CBX5: variants seen among roughly 807,000 people sequenced by gnomAD.
CBX5 encodes the protein chromobox protein homolog 5.
In CBX5, 7 loss-of-function variants were observed where a neutral mutation model predicts 20.7. That is an observed-to-expected ratio of 0.34 (90% CI 0.19 to 0.63). The LOEUF is 0.63. Ranked by LOEUF, CBX5 falls within the 30% of genes least tolerant of loss-of-function variation. The pLI, the probability that CBX5 is intolerant of heterozygous loss-of-function variation, is 0.75. For synonymous variants in CBX5, 78 were observed against 77.0 expected, an observed-to-expected ratio of 1.01 and a Z score of -0.07; for missense variants, 110 against 224.1, an observed-to-expected ratio of 0.49 and a Z score of 3.25.
intron 1 of CBX5, among the ~76,000 whole-genome samples, chr12:54,277,419 G>A (rs886137454): frequency 2.0e-5 from 3 of 152,140 alleles, no homozygotes; most frequent in Non-Finnish European, 2.9e-5. Flanking sequence ...TGGCCAGGCC[G>A]GTCTCAAACT....
rs1351955868 is a variant in CBX5, at chr12:54,234,851, A to C, written c.*6904T>G. On this transcript the variant is annotated 3_prime_UTR_variant, in exon 5 of 5. Transcript: ENST00000209875. ...GAGCAATATGAGATGATGTTAGATG[A>C]AATGAGGATCAGAATGAAAAGGCAA... The C allele has an allele frequency of 6.6e-6, 1 of 152,248 alleles. No individual in the cohort carries two copies. The highest frequency in any genetic ancestry group is 2.4e-5 in the African/African-American group (1 of 41,468). 9.4% of individuals were successfully genotyped at this position (152,248 alleles called of 1,614,324 possible). A position where few individuals can be genotyped will look rare whatever the true frequency, so the allele number is the denominator to read the frequency against.
intron 1 of CBX5, among the ~76,000 whole-genome samples, chr12:54,278,081 G>A (rs1298425720): frequency 1.3e-5 from 2 of 152,106 alleles, no homozygotes; most frequent in African/African-American, 4.8e-5. Flanking sequence ...TACCTCCCCG[G>A]ACATTTGGCA....
At chr12:54,277,887 G>A (rs1025522237) in intron 1 of CBX5, among the ~76,000 whole-genome samples, 1 of 152,112 alleles carries the variant, frequency 6.6e-6, no homozygotes, top group Non-Finnish European at 1.5e-5. Flanking sequence ...CCAGACTGGA[G>A]TGCAGTGGCT....
chr12:54,275,114 T>C (rs1944048824), intron 1 of CBX5, among the ~76,000 whole-genome samples: 1 of 152,208 alleles, frequency 6.6e-6, no homozygotes, highest in South Asian at 2.1e-4. Flanking sequence ...TCACTCTTTC[T>C]TTCCCCAACT....
Position 54,246,145 on chromosome 12 carries a change from G to C in CBX5, c.395C>G (p.Ser132Cys). The C allele has an allele frequency of 6.2e-7, 1 of 1,613,240 alleles. No individual in the cohort carries two copies. Among genetic ancestry groups the C allele is most frequent in the South Asian group, 1.1e-5 (1 of 91,052 alleles). ...EPEKIIGATD[S>C]CGDLMFLMKW... ...CATTAGGAACATTAAATCACCACAG[G>C]AATCTGTTGCCCCAATGATCTTTTC... The change falls in exon 4 of 5, where the codon TCC becomes TGC. Residue 132 changes from serine to cysteine, a missense_variant. Physicochemically the swap from Ser to Cys is moderately radical, Grantham distance 112 (BLOSUM62 -1). This residue lies in a region of CBX5 where 31 missense variants were observed against 84.9 expected (regional missense o/e 0.37). Transcript: ENST00000209875.
chr12:54,251,941 A>C (rs1045686905), intron 3 of CBX5, 100 bp downstream of exon 3: 117 of 1,050,324 alleles, frequency 1.1e-4, no homozygotes, highest in Non-Finnish European at 1.3e-4. Flanking sequence ...TTATAGGTCC[A>C]TCCTTACAAT....
At chr12:54,251,411 C>T (rs867701451) in intron 3 of CBX5, among the ~76,000 whole-genome samples, 1 of 149,518 alleles carries the variant, frequency 6.7e-6, no homozygotes, top group Non-Finnish European at 1.5e-5. Flanking sequence ...CCCAGCTACT[C>T]GGGAGGCTGA....
Position 54,257,605 on chromosome 12 carries a change from C to T in CBX5, c.46G>A (p.Asp16Asn), listed in dbSNP as rs1350042442. Residue 16 changes from aspartate to asparagine, a missense_variant, in exon 2 of 5, where the codon GAT (aspartate) becomes AAT (asparagine). By Grantham distance (23) the Asp-to-Asn change is conservative. Around this residue, in one of 3 missense-constraint regions of CBX5, gnomAD observed 58 missense variants for 120.6 expected, o/e 0.48. Coordinates refer to ENST00000209875, the MANE Select transcript of CBX5 (RefSeq NM_012117.3). ...TTCTCCACAACATACTCCTCCTCATCCTCTGAAGAAGAACTGTCAGCTGTC... is the reference window on the plus strand; with the variant it reads ...TTCTCCACAACATACTCCTCCTCATTCTCTGAAGAAGAACTGTCAGCTGTC... ...KRTADSSSSE[D>N]EEEYVVEKVL... 2 of 1,614,242 alleles carry T rather than the reference C, an allele frequency of 1.2e-6. No individual in the cohort carries two copies. The highest frequency in any genetic ancestry group is 1.7e-6 in the Non-Finnish European group (2 of 1,180,036).
chr12:54,256,184 C>G (rs1454506157), intron 2 of CBX5, among the ~76,000 whole-genome samples: 1 of 152,140 alleles, frequency 6.6e-6, no homozygotes, highest in Non-Finnish European at 1.5e-5. Context: ...GAAATGGGCC[C>G]AATAAACATC....
At chr12:54,241,937 G>A (rs771691820) in intron 4 of CBX5, 32 bp from the exon 5 acceptor site, 2 of 1,599,080 alleles carry the variant, frequency 1.3e-6, no homozygotes, top group South Asian at 1.1e-5. Flanking sequence ...CTTAAAAGGA[G>A]AGGAAGAGTG....
intron 1 of CBX5, among the ~76,000 whole-genome samples, chr12:54,266,656 A>C (rs1943959566): frequency 6.6e-6 from 1 of 152,206 alleles, no homozygotes; most frequent in Admixed American, 6.5e-5. Context: ...TCTGATTACC[A>C]ATATATTACA....
At chr12:54,256,332 G>A (rs1035996037) in intron 2 of CBX5, among the ~76,000 whole-genome samples, 4 of 152,112 alleles carry the variant, frequency 2.6e-5, no homozygotes, top group Non-Finnish European at 5.9e-5. Flanking sequence ...TGATTGTTGT[G>A]CTACCCATAC....
At position 54,238,786 on chromosome 12, in the gene CBX5, A is replaced by G. The variant is rs1002719202; in HGVS notation, c.*2969T>C. On this transcript the variant is annotated 3_prime_UTR_variant, in exon 5 of 5. Transcript: ENST00000209875. ...AGCCTCTACTGGGCAAAGCTGTGCT[A>G]TAACTCTGAAGAAAGGGAGATCTTT... The G allele has an allele frequency of 6.6e-6, 1 of 152,252 alleles. No individual in the cohort carries two copies. The highest frequency in any genetic ancestry group is 1.9e-4 in the East Asian group (1 of 5,204). 9.4% of individuals were successfully genotyped at this position (152,252 alleles called of 1,614,324 possible).
intron 1 of CBX5, among the ~76,000 whole-genome samples, chr12:54,266,046 T>TAA (rs79729825): frequency 5.5e-5 from 6 of 108,382 alleles, no homozygotes; most frequent in South Asian, 3.1e-4. Context: ...GACTCTGTCT[T>TAA]AAAAAAAAAA....
chr12:54,244,880 G>T (rs1943718449), intron 4 of CBX5, among the ~76,000 whole-genome samples: 1 of 152,068 alleles, frequency 6.6e-6, no homozygotes, highest in African/African-American at 2.4e-5. Flanking sequence ...TATTCAGCAG[G>T]TTTGGCCCTC....
intron 1 of CBX5, among the ~76,000 whole-genome samples, chr12:54,279,519 A>C (rs1263246239): frequency 6.6e-6 from 1 of 151,014 alleles, no homozygotes; most frequent in Non-Finnish European, 1.5e-5. Flanking sequence ...CAAATCGAAG[A>C]CCTCCCTCTT....
rs980475563 is a variant in CBX5 at position 54,235,366 on chromosome 12, G to A, written c.*6389C>T. On this transcript the variant is annotated 3_prime_UTR_variant, in exon 5 of 5. Coordinates refer to ENST00000209875, the MANE Select transcript of CBX5 (RefSeq NM_012117.3). Reference sequence around the variant, plus strand: ...GCGGTGGCTCACGCCTGTAATCCCAGCACTCTGGGAGGCCGAGGTGGGTGG... The same window carrying A: ...GCGGTGGCTCACGCCTGTAATCCCAACACTCTGGGAGGCCGAGGTGGGTGG... The A allele has an allele frequency of 6.6e-6, 1 of 152,226 alleles. No homozygotes were observed. The highest frequency in any genetic ancestry group is 2.4e-5 in the African/African-American group (1 of 41,446). The allele number at this position is 152,226 out of a possible 1,614,324, so 9.4% of individuals were successfully genotyped here.
intron 1 of CBX5, among the ~76,000 whole-genome samples, chr12:54,278,436 C>G (rs942983801): frequency 2.0e-5 from 3 of 152,184 alleles, no homozygotes; most frequent in Admixed American, 6.5e-5. Flanking sequence ...TTGCTAGTGC[C>G]AGAGAACATG....
chr12:54,246,991 GACTTTTAGTT>G (rs1943744216), intron 3 of CBX5, among the ~76,000 whole-genome samples: 1 of 151,714 alleles, frequency 6.6e-6, no homozygotes, highest in Admixed American at 6.6e-5. Flanking sequence ...TATTTTTTTA[GACTTTTAGTT>G]TACCTTAACA....
Sources: allele counts gnomAD v4.1 joint callset (sites outside exome capture counted in the v4.1 genomes callset), GRCh38; gene constraint gnomAD v4.1.1; regional missense constraint gnomAD v4.1.1; transcripts MANE v1.5; gene names NCBI Gene and HGNC (gene_info 2026-07-23, HGNC 2026-07-21).